CUX2: variants seen among roughly 807,000 people sequenced by gnomAD.
CUX2 encodes the protein cut like homeobox 2, also known as homeobox protein cut-like 2.
In CUX2, 40 loss-of-function variants were observed where a neutral mutation model predicts 144.8. That is an observed-to-expected ratio of 0.28 (90% CI 0.21 to 0.36). The LOEUF is 0.36. CUX2 is among the 10% of genes least tolerant of loss of function. The pLI is 1.00. For synonymous variants in CUX2, 827 were observed against 875.6 expected (o/e 0.94, Z 0.98); for missense variants, 1,615 against 1,994.0 (o/e 0.81, Z 3.62).
chr12:111,115,548 A>T (rs1249389487), intron 1 of CUX2, among the ~76,000 whole-genome samples: 1 of 151,892 alleles, frequency 6.6e-6, no homozygotes, highest in Non-Finnish European at 1.5e-5. Flanking sequence ...GCCTTCCAAA[A>T]TGCTGGATAA....
intron 3 of CUX2, among the ~76,000 whole-genome samples, chr12:111,221,591 C>A (rs1881862062): frequency 6.6e-6 from 1 of 152,100 alleles, no homozygotes; most frequent in African/African-American, 2.4e-5. Context: ...GCCCGTCATT[C>A]CTTCTTCCCA....
chr12:111,154,960 T>C (rs930797547), intron 1 of CUX2, among the ~76,000 whole-genome samples: 7 of 152,226 alleles, frequency 4.6e-5, no homozygotes, highest in African/African-American at 1.7e-4. Context: ...CTGTCACTGC[T>C]GCTGTGGTAG....
At chr12:111,098,125 C>T (rs559145274) in intron 1 of CUX2, among the ~76,000 whole-genome samples, 12 of 152,180 alleles carry the variant, frequency 7.9e-5, no homozygotes, top group African/African-American at 2.4e-4. Flanking sequence ...GGGAGCTGGG[C>T]GCTGTGGCTT....
intron 3 of CUX2, among the ~76,000 whole-genome samples, chr12:111,262,244 A>G (rs1271654352): frequency 6.6e-6 from 1 of 152,198 alleles, no homozygotes; most frequent in East Asian, 1.9e-4. Flanking sequence ...CTCAGCCCAC[A>G]GTGCTTGGTG....
rs756124463 is a variant in CUX2 at position 111,320,340 on chromosome 12, C to A, written c.2331C>A (p.Ser777=). 2.5e-6 allele frequency: 4 copies of A among 1,598,166 alleles called. No individual in the cohort carries two copies. In the South Asian group the frequency reaches 4.4e-5, roughly 18 times the overall value. ...FVQSIIRKVK[S]EIGDAGYFDH... ...AGAGCATCATCCGCAAGGTCAAGTC[C>A]GAGATCGGCGACGCCGGCTACTTCG... The change falls in exon 17 of 22, where the codon TCC becomes TCA. Residue 777 remains serine (S), a synonymous_variant. Transcript: ENST00000261726. The surrounding 1 kb of genome is among the most constrained non-coding windows in gnomAD (Gnocchi z 8.1).
intron 20 of CUX2, among the ~76,000 whole-genome samples, chr12:111,341,123 T>C (rs1041297993): frequency 6.6e-6 from 1 of 152,098 alleles, no homozygotes; most frequent in African/African-American, 2.4e-5. Flanking sequence ...GGAACAAGCA[T>C]TTCAAACACT....
At chr12:111,063,636 G>A (rs1012207408) in intron 1 of CUX2, among the ~76,000 whole-genome samples, 1 of 152,358 alleles carries the variant, frequency 6.6e-6, no homozygotes, top group Non-Finnish European at 1.5e-5. Context: ...TTGGGGGCTG[G>A]GGGTTCTCAG....
chr12:111,201,534 T>C (rs950703608), intron 1 of CUX2, among the ~76,000 whole-genome samples: 5 of 152,166 alleles, frequency 3.3e-5, no homozygotes, highest in African/African-American at 1.2e-4. Flanking sequence ...CGCAGCTCTC[T>C]CCAGGTGTGC....
At chr12:111,315,674 G>A (rs527677148) in intron 16 of CUX2, among the ~76,000 whole-genome samples, 7 of 152,090 alleles carry the variant, frequency 4.6e-5, no homozygotes, top group South Asian at 4.2e-4. Context: ...AGCCGAGATC[G>A]CGCCATTGCA....
intron 1 of CUX2, among the ~76,000 whole-genome samples, chr12:111,200,616 C>T (rs1026271026): frequency 2.6e-5 from 4 of 152,056 alleles, no homozygotes; most frequent in Admixed American, 1.3e-4. Flanking sequence ...AGCCCCCATT[C>T]AATCCAGGCC....
chr12:111,208,055 G>A (rs539547895), intron 1 of CUX2, among the ~76,000 whole-genome samples: 1 of 152,168 alleles, frequency 6.6e-6, no homozygotes, highest in Admixed American at 6.5e-5. Flanking sequence ...GAAGTGGGAG[G>A]GACCCAGGGA....
At chr12:111,047,828 C>T (rs945688191) in intron 1 of CUX2, among the ~76,000 whole-genome samples, 13 of 152,278 alleles carry the variant, frequency 8.5e-5, no homozygotes, top group African/African-American at 2.2e-4. Context: ...GAGGAAAGAG[C>T]GCTGAAATCA....
intron 3 of CUX2, among the ~76,000 whole-genome samples, chr12:111,219,505 G>A (rs1881732510): frequency 6.6e-6 from 1 of 152,164 alleles, no homozygotes. Flanking sequence ...GCATTCAGCT[G>A]TTTGTAGAGA....
chr12:111,228,488 A>G (rs1362497476), intron 3 of CUX2, among the ~76,000 whole-genome samples: 1 of 152,030 alleles, frequency 6.6e-6, no homozygotes, highest in Non-Finnish European at 1.5e-5. Context: ...CATTGTTGCA[A>G]TCTCGGCTCA....
chr12:111,319,251 C>A (rs922882717), intron 16 of CUX2, among the ~76,000 whole-genome samples: 4 of 151,744 alleles, frequency 2.6e-5, no homozygotes, highest in African/African-American at 9.7e-5. Context: ...GAGTTTGAAA[C>A]CAGCCTGGGC....
chr12:111,303,207 C>G (rs868592408), intron 9 of CUX2, among the ~76,000 whole-genome samples: 3 of 100,338 alleles, frequency 3.0e-5, no homozygotes, highest in Admixed American at 1.3e-4. Context: ...GGTGACAGAG[C>G]GAGACCCTGT....
intron 1 of CUX2, among the ~76,000 whole-genome samples, chr12:111,069,149 T>G (rs1871145943): frequency 6.6e-6 from 1 of 152,140 alleles, no homozygotes; most frequent in Admixed American, 6.5e-5. Context: ...AGAATGGGTC[T>G]GGGTTCAAAT....
At position 111,246,322 on chromosome 12, in the gene CUX2, C is replaced by T. The variant is rs956069809; in HGVS notation, c.223-17439C>T. 1.3e-5 allele frequency among the ~76,000 whole-genome samples: 2 copies of T among 152,158 alleles called. No homozygotes were observed. Among genetic ancestry groups the T allele is most frequent in the African/African-American group, 4.8e-5 (2 of 41,442 alleles). On this transcript the variant is annotated intron_variant, in intron 3 of 21. Transcript: ENST00000261726. This position sits in a 1 kb window ranked among gnomAD's most constrained non-coding sequence, Gnocchi z 4.0. ...AAATCAGACCTTTTTTATTTTTTCT[C>T]ACCAGTCAGCCACTTGTTAAACCTT...
intron 1 of CUX2, among the ~76,000 whole-genome samples, chr12:111,067,126 T>C (rs1042849483): frequency 2.6e-5 from 4 of 152,204 alleles, no homozygotes; most frequent in African/African-American, 9.6e-5. Flanking sequence ...CCCACCACTA[T>C]TCCTGTAGTG....
Sources: allele counts gnomAD v4.1 joint callset (sites outside exome capture counted in the v4.1 genomes callset), GRCh38; gene constraint gnomAD v4.1.1; non-coding constraint Gnocchi (gnomAD v3.1); transcripts MANE v1.5; gene names NCBI Gene and HGNC (gene_info 2026-07-23, HGNC 2026-07-21).